The following PTPRB variants were observed in gnomAD, a reference collection of about 807,000 sequenced individuals.
PTPRB encodes the protein receptor-type tyrosine-protein phosphatase beta.
Under a neutral mutation model 238.1 loss-of-function variants are expected in PTPRB, and 97 were observed. That is an observed-to-expected ratio of 0.41 (90% confidence interval 0.35 to 0.48). The LOEUF (loss-of-function observed/expected upper bound fraction) is 0.48. PTPRB is among the 20% of genes least tolerant of loss of function. The probability of loss-of-function intolerance (pLI) is 0.30; values close to 1 mark genes in which losing one functional copy is unlikely to be tolerated. For missense variants in PTPRB, 2,292 were observed against 2,681.9 expected (o/e 0.85, Z 3.21); for synonymous variants, 970 against 995.4 (o/e 0.97, Z 0.48).
intron 5 of PTPRB, among the ~76,000 whole-genome samples, chr12:70,595,200 A>G (rs1882884567): frequency 6.6e-6 from 1 of 152,198 alleles, no homozygotes; most frequent in Admixed American, 6.5e-5. Flanking sequence ...ACACAGGAAC[A>G]GAAAACCAAA....
chr12:70,576,671 G>GGGGGGGGGGGGGT (rs1880777273), intron 10 of PTPRB, 26 bp from the exon 11 acceptor site: 1 of 243,792 alleles, frequency 4.1e-6, no homozygotes, highest in Non-Finnish European at 7.6e-6. Flanking sequence ...GTGGGGGGCG[G>GGGGGGGGGGGGGT]GGGGGGGGGG....
At chr12:70,620,000 G>T (rs1428173280) in intron 3 of PTPRB, among the ~76,000 whole-genome samples, 1 of 152,158 alleles carries the variant, frequency 6.6e-6, no homozygotes, top group African/African-American at 2.4e-5. Context: ...ACCTCTCAGG[G>T]ATGCTCAGTC....
rs147881088 is a variant in PTPRB, at chr12:70,564,748, G to A, written c.3905-1641C>T. Among the ~76,000 whole-genome samples, 648 of 151,494 alleles carry A rather than the reference G, an allele frequency of 4.3e-3. 4 individuals are homozygous for A. Among genetic ancestry groups the A allele is most frequent in the African/African-American group, 0.015 (602 of 41,332 alleles). On this transcript the variant is annotated intron_variant, in intron 15 of 33. Transcript: ENST00000334414. Reference sequence around the variant, plus strand: ...CTTGGGAGGTTGAGATGGGAGGATTGTTTGAGCCCAGGAGGCAGAGGTTGC... The same window carrying A: ...CTTGGGAGGTTGAGATGGGAGGATTATTTGAGCCCAGGAGGCAGAGGTTGC...
Position 70,540,952 on chromosome 12 carries a change from A to G in PTPRB, c.5500T>C (p.Leu1834=). Residue 1834 remains leucine (L), a synonymous_variant, in exon 23 of 34, where the codon TTG becomes CTG. Transcript: ENST00000334414. ...CTCACACCTTCAATAGCTCCAAACA[A>G]GGGCTCTACAATAATCCAGATAGAA... is the stretch of plus-strand genomic sequence containing the variant. ...SLPITTESEP[L]FGAIEGVSAG... is the part of the protein sequence containing the mutation. 1 of 1,600,686 alleles carries G rather than the reference A, an allele frequency of 6.2e-7. No individual in the cohort carries two copies. The highest frequency in any genetic ancestry group is 1.1e-5 in the South Asian group (1 of 88,082).
At chr12:70,579,999 C>T (rs1410160535) in intron 10 of PTPRB, among the ~76,000 whole-genome samples, 1 of 151,986 alleles carries the variant, frequency 6.6e-6, no homozygotes, top group African/African-American at 2.4e-5. Flanking sequence ...ATTAAGTAGA[C>T]AAGGTCCCAC....
intron 3 of PTPRB, among the ~76,000 whole-genome samples, chr12:70,611,579 C>T (rs1258780080): frequency 3.9e-5 from 6 of 152,308 alleles, no homozygotes; most frequent in African/African-American, 1.2e-4. Flanking sequence ...GGATTACAGG[C>T]GTGTGCCACC....
intron 32 of PTPRB, 115 bp downstream of exon 32, chr12:70,531,920 C>T: frequency 2.5e-6 from 3 of 1,210,872 alleles, no homozygotes; most frequent in Admixed American, 2.5e-5. Flanking sequence ...TTCTTTTTTT[C>T]TCTTCCTAAT....
rs1458182491 is a variant in PTPRB, at chr12:70,559,364, T to C, written c.4693A>G (p.Ile1565Val). The C allele has an allele frequency of 3.7e-6, 6 of 1,613,226 alleles. No homozygotes were observed. In the African/African-American group the frequency reaches 6.7e-5, roughly 18 times the overall value. ...GDSWKTYSKPIFGSVRTKPDK... is the reference protein window; with the variant it reads ...GDSWKTYSKPVFGSVRTKPDK... ...ATACTTGTCCTCACAGATCCAAAAA[T>C]TGGTTTGCTGTAAGTTTTCCAGGAA... Residue 1565 changes from isoleucine (I) to valine (V), a missense_variant, in exon 18 of 34, where the codon ATT becomes GTT. This residue lies in a region of PTPRB where 683 missense variants were observed against 862.0 expected (regional missense o/e 0.79). Transcript: ENST00000334414.
At chr12:70,570,617 T>G (rs1030779019) in intron 13 of PTPRB, among the ~76,000 whole-genome samples, 1 of 152,152 alleles carries the variant, frequency 6.6e-6, no homozygotes. Context: ...CAAAGCATTG[T>G]GAAGACTGAA....
intron 2 of PTPRB, among the ~76,000 whole-genome samples, chr12:70,630,083 C>T (rs1885378765): frequency 6.6e-6 from 1 of 150,918 alleles, no homozygotes. Flanking sequence ...GAATCCTCAT[C>T]CTGATACCAA....
chr12:70,519,395 G>T lies in PTPRB; in HGVS notation c.*2094C>A, dbSNP rs1411735846. 1 of 152,154 alleles carries T rather than the reference G, an allele frequency of 6.6e-6. No individual in the cohort carries two copies. The highest frequency in any genetic ancestry group is 1.5e-5 in the Non-Finnish European group (1 of 68,036). 9.4% of individuals were successfully genotyped at this position (152,154 alleles called of 1,614,324 possible). On this transcript the variant is annotated 3_prime_UTR_variant, in exon 34 of 34. Coordinates refer to ENST00000334414, the MANE Select transcript of PTPRB (RefSeq NM_001109754.4). ...ACTGGCTCAGTTATCCCATTCCCTT[G>T]ATGAGGCTGTCTTTTAAGCTCAATT...
intron 33 of PTPRB, among the ~76,000 whole-genome samples, chr12:70,523,112 T>C (rs1398281369): frequency 6.6e-6 from 1 of 152,156 alleles, no homozygotes; most frequent in Non-Finnish European, 1.5e-5. Flanking sequence ...ATCACCCACC[T>C]TGGCCTCCCA....
intron 2 of PTPRB, among the ~76,000 whole-genome samples, chr12:70,630,378 C>T (rs375220014): frequency 1.3e-5 from 2 of 152,108 alleles, no homozygotes; most frequent in Admixed American, 6.5e-5. Flanking sequence ...GCCCTTCACG[C>T]TAAAAACTCT....
At chr12:70,593,954 A>C (rs937085678) in intron 6 of PTPRB, among the ~76,000 whole-genome samples, 1 of 152,234 alleles carries the variant, frequency 6.6e-6, no homozygotes, top group African/African-American at 2.4e-5. Flanking sequence ...AATGAATGAA[A>C]GTTTGTATAA....
Position 70,521,462 on chromosome 12 carries a change from T to G in PTPRB, c.*27A>C, listed in dbSNP as rs1282069026. 1 of 1,520,090 alleles carries G rather than the reference T, an allele frequency of 6.6e-7. No individual in the cohort carries two copies. Among genetic ancestry groups the G allele is most frequent in the African/African-American group, 1.4e-5 (1 of 71,926 alleles). 94.2% of individuals were successfully genotyped at this position (1,520,090 alleles called of 1,614,324 possible). ...AAACAAATCACACAGTGAATAATTTTTATCCAGGAGCTCTTCAGGTACATT... is the reference window on the plus strand; with the variant it reads ...AAACAAATCACACAGTGAATAATTTGTATCCAGGAGCTCTTCAGGTACATT... On this transcript the variant is annotated 3_prime_UTR_variant, in exon 34 of 34. Transcript: ENST00000334414.
chr12:70,559,001 G>T, intron 18 of PTPRB: 1 of 409,270 alleles, frequency 2.4e-6, no homozygotes, highest in Non-Finnish European at 4.4e-6. Context: ...TTTCTATTTG[G>T]ATGTTTCCTT....
At chr12:70,573,533 A>C (rs1372676550) in intron 11 of PTPRB, among the ~76,000 whole-genome samples, 16 of 136,736 alleles carry the variant, frequency 1.2e-4, no homozygotes, top group Non-Finnish European at 2.0e-4. Flanking sequence ...TTGAGACAGA[A>C]TCTCACTCTC....
At position 70,559,419 on chromosome 12, in the gene PTPRB, A is replaced by G. The variant is rs1878165533; in HGVS notation, c.4638T>C (p.Tyr1546=). Residue 1546 remains tyrosine (Y), a synonymous_variant, in exon 18 of 34, where the codon TAT becomes TAC. Transcript: ENST00000334414. ...CACTGACAGTCTTGACGTTGAATTG[A>G]TAGGATCTCCCTGGACGAAGACCAT... The part of the protein sequence containing the change: ...IVYGLRPGRS[Y]QFNVKTVSGD... 6.2e-7 allele frequency: 1 copy of G among 1,613,822 alleles called. No homozygotes were observed.
chr12:70,629,711 A>C (rs1249270823), intron 2 of PTPRB, among the ~76,000 whole-genome samples: 1 of 152,168 alleles, frequency 6.6e-6, no homozygotes, highest in African/African-American at 2.4e-5. Flanking sequence ...AAGACTAATA[A>C]AGAAGAAAAC....
Sources: gnomAD v4.1 joint callset for allele counts (sites outside exome capture counted in the v4.1 genomes callset) on GRCh38, gnomAD v4.1.1 for gene constraint, gnomAD v4.1.1 regional missense constraint, MANE v1.5 for transcripts, NCBI Gene and HGNC (gene_info 2026-07-23, HGNC 2026-07-21) for gene names.